Variants in GAB2 observed in about 807,000 individuals in gnomAD.
GAB2 encodes the protein GRB2-associated-binding protein 2.
A neutral mutation model predicts 65.5 loss-of-function variants in GAB2; 26 were observed. That is an observed-to-expected ratio of 0.40 (90% CI 0.29 to 0.55). GAB2 has a LOEUF of 0.55. Ranked by LOEUF, GAB2 falls within the 20% of genes least tolerant of loss-of-function variation. GAB2 has a pLI of 0.53. For missense variants in GAB2, 884 were observed against 875.8 expected (o/e 1.01, Z -0.12); for synonymous variants, 321 against 329.6 (o/e 0.97, Z 0.28).
At chr11:78,387,571 C>T (rs1303455942) in intron 1 of GAB2, among the ~76,000 whole-genome samples, 2 of 152,058 alleles carry the variant, frequency 1.3e-5, no homozygotes, top group East Asian at 1.9e-4. Context: ...TTAATCATTA[C>T]ATAACAAATA....
intron 1 of GAB2, among the ~76,000 whole-genome samples, chr11:78,311,791 C>G (rs751664424): frequency 6.6e-6 from 1 of 152,140 alleles, no homozygotes; most frequent in Non-Finnish European, 1.5e-5. Flanking sequence ...GACAACTGGA[C>G]TTGGAGCGAG....
intron 1 of GAB2, among the ~76,000 whole-genome samples, chr11:78,285,193 A>C (rs760278766): frequency 2.6e-5 from 4 of 152,194 alleles, no homozygotes; most frequent in Non-Finnish European, 5.9e-5. Context: ...ATTTCAGTTG[A>C]TGTGTCCCCG....
Position 78,280,811 on chromosome 11 carries a change from T to G in GAB2, c.166A>C (p.Lys56Gln), listed in dbSNP as rs763596869. The stretch of plus-strand genomic sequence containing the variant: ...TTCAGGTTGATGATCCGCAGAGGCT[T>G]CTTGGAGTGATCGTTCTTGTAGTAT... ...LEYYKNDHSK[K>Q]PLRIINLNFC... Residue 56 changes from lysine to glutamine, a missense_variant, in exon 2 of 10, where the codon AAG (lysine) becomes CAG (glutamine). By Grantham distance (53) the Lys-to-Gln change is moderately conservative. Transcript: ENST00000361507. 29 of 1,613,982 alleles carry G rather than the reference T, an allele frequency of 1.8e-5. No homozygotes were observed. Among genetic ancestry groups the G allele is most frequent in the Non-Finnish European group, 2.4e-5 (28 of 1,179,930 alleles).
intron 1 of GAB2, among the ~76,000 whole-genome samples, chr11:78,389,673 A>G (rs1219481585): frequency 6.6e-6 from 1 of 152,184 alleles, no homozygotes; most frequent in Non-Finnish European, 1.5e-5. Context: ...GCATAAATAT[A>G]CTGAAAACAC....
At chr11:78,390,882 CTG>C (rs1856825929) in intron 1 of GAB2, among the ~76,000 whole-genome samples, 1 of 152,168 alleles carries the variant, frequency 6.6e-6, no homozygotes, top group South Asian at 2.1e-4. Context: ...TTGCCAGACA[CTG>C]TTCTAGATTG....
chr11:78,309,785 G>T (rs764513720), intron 1 of GAB2, among the ~76,000 whole-genome samples: 1 of 152,132 alleles, frequency 6.6e-6, no homozygotes, highest in South Asian at 2.1e-4. Flanking sequence ...TCAGGATATA[G>T]AGAGTAACAT....
At chr11:78,349,475 AC>A (rs1441478279) in intron 1 of GAB2, among the ~76,000 whole-genome samples, 1 of 152,164 alleles carries the variant, frequency 6.6e-6, no homozygotes, top group Non-Finnish European at 1.5e-5. Flanking sequence ...ATTGAAAGTC[AC>A]CCCGATGGTA....
At chr11:78,327,804 A>G (rs1445631153) in intron 1 of GAB2, among the ~76,000 whole-genome samples, 1 of 152,238 alleles carries the variant, frequency 6.6e-6, no homozygotes, top group African/African-American at 2.4e-5. Flanking sequence ...TAGCAGTGTC[A>G]CTTTGGATAA....
chr11:78,360,103 A>G (rs1183643328), intron 1 of GAB2, among the ~76,000 whole-genome samples: 1 of 152,144 alleles, frequency 6.6e-6, no homozygotes, highest in Non-Finnish European at 1.5e-5. Flanking sequence ...ACCATGAACC[A>G]AGGAACATCT....
In GAB2 at chr11:78,226,468, G is replaced by A; in HGVS notation, c.1204C>T (p.Arg402Ter). 6.2e-7 allele frequency: 1 copy of A among 1,611,172 alleles called. No individual in the cohort carries two copies. The highest frequency in any genetic ancestry group is 8.5e-7 in the Non-Finnish European group (1 of 1,177,294). The change falls in exon 4 of 10, where the codon CGA becomes TGA. Residue 402 changes from arginine (R) to a stop codon, truncating the protein, a stop_gained. Coordinates refer to ENST00000361507, the MANE Select transcript of GAB2 (RefSeq NM_080491.3). LOFTEE classifies it high-confidence loss of function. ...LPAMDNSRLH[R>*]ASSCETYEYP... ...CTCAGCTAGGACTTATACTGACCTCGGTGAAGTCGGCTGTTGTCCATTGCA... is the reference window on the plus strand; with the variant it reads ...CTCAGCTAGGACTTATACTGACCTCAGTGAAGTCGGCTGTTGTCCATTGCA...
chr11:78,339,048 G>A (rs1358572497), intron 1 of GAB2, among the ~76,000 whole-genome samples: 4 of 151,866 alleles, frequency 2.6e-5, no homozygotes, highest in Non-Finnish European at 4.4e-5. Context: ...TCAACCTCCC[G>A]AGTAACTGGG....
chr11:78,335,190 T>C (rs750052709), intron 1 of GAB2, among the ~76,000 whole-genome samples: 1 of 152,188 alleles, frequency 6.6e-6, no homozygotes. Flanking sequence ...ATTTTGTGGG[T>C]TGTCTCTTCA....
In GAB2 at chr11:78,383,630, C is replaced by T. The variant is rs759388751; in HGVS notation, c.75+34016G>A. Among the ~76,000 whole-genome samples, 198 of 143,086 alleles carry T rather than the reference C, an allele frequency of 1.4e-3. 1 individual carries two copies. Among genetic ancestry groups the T allele is most frequent in the Non-Finnish European group, 1.9e-3 (125 of 66,312 alleles). 93.9% of individuals were successfully genotyped at this position (143,086 alleles called of 152,430 possible). A position where few individuals can be genotyped will look rare whatever the true frequency, so the allele number is the denominator to read the frequency against. ...AAAATTAGCCAGGTGTGGTGGTGTG[C>T]GCCTGTAATGCCAGCTACTCGAGAG... On this transcript the variant is annotated intron_variant, in intron 1 of 9. Coordinates refer to ENST00000361507, the MANE Select transcript of GAB2 (RefSeq NM_080491.3).
intron 1 of GAB2, among the ~76,000 whole-genome samples, chr11:78,303,865 T>C (rs576329646): frequency 3.3e-5 from 5 of 152,314 alleles, no homozygotes; most frequent in Admixed American, 6.5e-5. Flanking sequence ...GCCAGTCCTC[T>C]GCATGTTGGA....
chr11:78,237,623 G>GA (rs1865015822), intron 3 of GAB2, among the ~76,000 whole-genome samples: 1 of 151,378 alleles, frequency 6.6e-6, no homozygotes, highest in South Asian at 2.1e-4. Flanking sequence ...AACTTGTGGG[G>GA]AAAAAAAAGG....
In GAB2 at chr11:78,217,893, C is replaced by G. The variant is rs1864228924; in HGVS notation, c.*1379G>C. On this transcript the variant is annotated 3_prime_UTR_variant, in exon 10 of 10. Coordinates refer to ENST00000361507, the MANE Select transcript of GAB2 (RefSeq NM_080491.3). ...CATGGGCACAAGCTGTCAGCCATGC[C>G]TGATGTGGTCCTCTAGGCATCATTC... 1 of 152,414 alleles carries G rather than the reference C, an allele frequency of 6.6e-6. No individual in the cohort carries two copies. Among genetic ancestry groups the G allele is most frequent in the South Asian group, 2.1e-4 (1 of 4,838 alleles). The allele number at this position is 152,414 out of a possible 1,614,324, so 9.4% of individuals were successfully genotyped here.
intron 1 of GAB2, 43 bp from the exon 2 acceptor site, chr11:78,280,944 A>G: frequency 3.3e-6 from 5 of 1,520,864 alleles, no homozygotes; most frequent in Non-Finnish European, 4.5e-6. Flanking sequence ...GGAAGAAGTC[A>G]TTAGTTATTT....
At chr11:78,263,187 T>C (rs748654026) in intron 2 of GAB2, among the ~76,000 whole-genome samples, 1 of 152,170 alleles carries the variant, frequency 6.6e-6, no homozygotes, top group African/African-American at 2.4e-5. Flanking sequence ...AATCCCAAAT[T>C]TATGCTTTGA....
chr11:78,283,951 G>A (rs1261203735), intron 1 of GAB2, among the ~76,000 whole-genome samples: 4 of 151,036 alleles, frequency 2.6e-5, no homozygotes, highest in East Asian at 1.9e-4. Flanking sequence ...AAAAACCATC[G>A]AATTGCTGTG....
Sources: gnomAD v4.1 joint callset for allele counts (sites outside exome capture counted in the v4.1 genomes callset) on GRCh38, gnomAD v4.1.1 for gene constraint, MANE v1.5 for transcripts, NCBI Gene and HGNC (gene_info 2026-07-23, HGNC 2026-07-21) for gene names.